Variants in SLC36A2 observed in about 807,000 individuals in gnomAD.
SLC36A2 encodes proton-coupled amino acid transporter 2.
In SLC36A2, 39 loss-of-function variants were observed where a neutral mutation model predicts 42.7. The observed-to-expected ratio is 0.91, with a 90% CI of 0.71 to 1.19. The LOEUF is 1.19. Among genes scored for constraint, SLC36A2 ranks in the 50% most tolerant of loss-of-function variants. The pLI, the probability that SLC36A2 is intolerant of heterozygous loss-of-function variation, is 0.00. For missense variants in SLC36A2, 590 were observed against 613.7 expected (o/e 0.96, Z 0.41); for synonymous variants, 237 against 240.8 (o/e 0.98, Z 0.15).
intron 4 of SLC36A2, among the ~76,000 whole-genome samples, chr5:151,341,998 G>C (rs1756359873): frequency 6.6e-6 from 1 of 152,170 alleles, no homozygotes; most frequent in African/African-American, 2.4e-5. Flanking sequence ...GCTGGGTACT[G>C]TTAATAGCCC....
At chr5:151,323,469 A>G (rs1755760340) in intron 8 of SLC36A2, among the ~76,000 whole-genome samples, 1 of 152,176 alleles carries the variant, frequency 6.6e-6, no homozygotes, top group African/African-American at 2.4e-5. Context: ...CCTTGTAGAC[A>G]CAGCTCAACT....
intron 6 of SLC36A2, among the ~76,000 whole-genome samples, chr5:151,334,452 G>A (rs562379612): frequency 2.2e-4 from 33 of 151,816 alleles, no homozygotes; most frequent in Non-Finnish European, 4.3e-4. Flanking sequence ...CACTTTGGGG[G>A]GGCCAAGGCG....
At chr5:151,340,169 AAGGAGGAG>A (rs1326643183) in intron 4 of SLC36A2, among the ~76,000 whole-genome samples, 25,485 of 87,922 alleles carry the variant, frequency 0.29, 6,726 homozygotes, top group African/African-American at 0.63. Context: ...GAAGAAGAGG[AAGGAGGAG>A]GAGGAGGAAG....
rs1255186895 is a variant in SLC36A2 at position 151,317,047 on chromosome 5, A to G, written c.1222T>C (p.Ser408Pro). The change falls in exon 10 of 10, where the codon TCC (serine) becomes CCC (proline). Residue 408 changes from serine (S) to proline (P), a missense_variant. Physicochemically the swap from Ser to Pro is moderately conservative, Grantham distance 74 (BLOSUM62 -1). Transcript: ENST00000335244. ...GTGCCACTCACGGAGCCCACCAGGG[A>G]GATGACCAGGTCCAGGCGGGGGATG... The part of the protein sequence containing the change: ...ILIPRLDLVI[S>P]LVGSVSGTAL... 1 of 1,614,096 alleles carries G rather than the reference A, an allele frequency of 6.2e-7. No homozygotes were observed. Among genetic ancestry groups the G allele is most frequent in the African/African-American group, 1.3e-5 (1 of 75,026 alleles).
At chr5:151,320,271 A>G (rs1260665996) in intron 9 of SLC36A2, among the ~76,000 whole-genome samples, 1 of 152,192 alleles carries the variant, frequency 6.6e-6, no homozygotes, top group East Asian at 1.9e-4. Context: ...AATGAATACT[A>G]GCATAACTGT....
chr5:151,330,070 G>A (rs1296205291), intron 7 of SLC36A2, among the ~76,000 whole-genome samples: 3 of 152,038 alleles, frequency 2.0e-5, no homozygotes, highest in South Asian at 2.1e-4. Context: ...TATGCTAAGC[G>A]ATGACTATAT....
chr5:151,346,767 G>A (rs148992189), intron 1 of SLC36A2, among the ~76,000 whole-genome samples: 327 of 152,194 alleles, frequency 2.1e-3, no homozygotes, highest in African/African-American at 7.3e-3. Flanking sequence ...CCTGGAAAGT[G>A]GAAAAAACTA....
At position 151,322,040 on chromosome 5, in the gene SLC36A2, A is replaced by G. The variant is rs1385243224; in HGVS notation, c.1180+6T>C. The G allele has an allele frequency of 9.3e-6, 15 of 1,613,980 alleles. No individual in the cohort carries two copies. The highest frequency in any genetic ancestry group is 1.3e-5 in the Non-Finnish European group (15 of 1,179,978). On this transcript the variant is annotated splice_donor_region_variant and intron_variant, in intron 9 of 9. Coordinates refer to ENST00000335244, the MANE Select transcript of SLC36A2 (RefSeq NM_181776.3). Reference sequence around the variant, plus strand: ...GCAGGAACACTGCACTCTCCTTTCTACTCACATGTCAGGCAGACCATGACG... The same window carrying G: ...GCAGGAACACTGCACTCTCCTTTCTGCTCACATGTCAGGCAGACCATGACG...
chr5:151,339,238 G>T, intron 4 of SLC36A2, 94 bp from the exon 5 acceptor site: 2 of 928,536 alleles, frequency 2.2e-6, no homozygotes, highest in Non-Finnish European at 3.4e-6. Flanking sequence ...TGTTCCCAGG[G>T]ATTGGTTGCC....
intron 4 of SLC36A2, among the ~76,000 whole-genome samples, chr5:151,341,668 G>A (rs1231538622): frequency 6.6e-6 from 1 of 152,120 alleles, no homozygotes; most frequent in Admixed American, 6.6e-5. Context: ...GGTTCTTAAA[G>A]TCTTGGTCTT....
In SLC36A2 at chr5:151,345,061, G is replaced by A. The variant is rs76980772; in HGVS notation, c.165-794C>T. Among the ~76,000 whole-genome samples, 726 of 152,236 alleles carry A rather than the reference G, an allele frequency of 4.8e-3. 11 individuals carry two copies. The highest frequency in any genetic ancestry group is 0.016 in the African/African-American group (675 of 41,514). ...CAGACCCTTCCTTTAAGACAAATGC[G>A]AAGGTTTGCCCGGAGGACAAAGTCT... On this transcript the variant is annotated intron_variant, in intron 1 of 9. Transcript: ENST00000335244.
Position 151,333,244 on chromosome 5 carries a change from A to G in SLC36A2, c.823T>C (p.Ser275Pro), listed in dbSNP as rs1366984346. 2 of 1,613,952 alleles carry G rather than the reference A, an allele frequency of 1.2e-6. No homozygotes were observed. Among genetic ancestry groups the G allele is most frequent in the Admixed American group, 3.3e-5 (2 of 60,020 alleles). ...YPLFFGTAIF[S>P]FESIGVVLPL... Reference sequence around the variant, plus strand: ...CTTACCACACCAATGCTTTCAAAAGAAAAAATGGCTGTTCCGAAGAAGAGA... The same window carrying G: ...CTTACCACACCAATGCTTTCAAAAGGAAAAATGGCTGTTCCGAAGAAGAGA... The change falls in exon 7 of 10, where the codon TCT (serine) becomes CCT (proline). Residue 275 changes from serine (S) to proline (P), a missense_variant. Coordinates refer to ENST00000335244, the MANE Select transcript of SLC36A2 (RefSeq NM_181776.3).
At chr5:151,344,039 G>T (rs1756423472) in intron 2 of SLC36A2, 138 bp downstream of exon 2, 2 of 795,424 alleles carry the variant, frequency 2.5e-6, no homozygotes, top group Admixed American at 4.0e-5. Context: ...ACCCAGGCTA[G>T]ATGTCTAGAC....
At chr5:151,345,754 C>T (rs753161808) in intron 1 of SLC36A2, among the ~76,000 whole-genome samples, 3 of 152,204 alleles carry the variant, frequency 2.0e-5, no homozygotes, top group African/African-American at 7.2e-5. Context: ...AACTTGAAAA[C>T]ATAGTGCGGT....
Position 151,344,244 on chromosome 5 carries a change from AGGTG to A in SLC36A2, c.184_187del (p.His62TrpfsTer2), listed in dbSNP as rs780572288. On this transcript the variant is annotated frameshift_variant, in exon 2 of 10. Transcript: ENST00000335244. LOFTEE classifies it high-confidence loss of function. ...CCCTGTGCCCATGTTGCCTTTCACC[AGGTG>A]AATCAAGGCCTGGAACACTCTAAAG... is the stretch of plus-strand genomic sequence containing the variant. The A allele has an allele frequency of 1.9e-6, 3 of 1,614,044 alleles. No homozygotes were observed. The highest frequency in any genetic ancestry group is 2.5e-6 in the Non-Finnish European group (3 of 1,179,968).
At position 151,315,103 on chromosome 5, in the gene SLC36A2, G is replaced by A. The variant is rs1369461100; in HGVS notation, c.*1714C>T. On this transcript the variant is annotated 3_prime_UTR_variant, in exon 10 of 10. Coordinates refer to ENST00000335244, the MANE Select transcript of SLC36A2 (RefSeq NM_181776.3). ...AGGATGGCTTTACTCGTGTCTGGAA[G>A]TTGGTAGGCTGGTTGATCTGCGGAC... The A allele has an allele frequency of 6.5e-6, 1 of 152,704 alleles. No individual in the cohort carries two copies. Among genetic ancestry groups the A allele is most frequent in the Admixed American group, 6.5e-5 (1 of 15,282 alleles). 9.5% of individuals were successfully genotyped at this position (152,704 alleles called of 1,614,324 possible).
rs187883614 is a variant in SLC36A2, at chr5:151,324,582, C to T, written c.1010+704G>A. ...CCTGACCTCAGGTGATCCACCCACC[C>T]TGGCCTCCCAAAGTGCTGGGATTAC... On this transcript the variant is annotated intron_variant, in intron 8 of 9. Coordinates refer to ENST00000335244, the MANE Select transcript of SLC36A2 (RefSeq NM_181776.3). Among the ~76,000 whole-genome samples the T allele has an allele frequency of 1.8e-3, 275 of 152,234 alleles. 1 individual carries two copies. The highest frequency in any genetic ancestry group is 6.1e-3 in the African/African-American group (254 of 41,560).
Position 151,316,952 on chromosome 5 carries a change from G to T in SLC36A2, c.1317C>A (p.Leu439=). Residue 439 remains leucine (L), a synonymous_variant, in exon 10 of 10, where the codon CTC becomes CTA. Coordinates refer to ENST00000335244, the MANE Select transcript of SLC36A2 (RefSeq NM_181776.3). The stretch of plus-strand genomic sequence containing the variant: ...TGATCAGGGCGTCCTTGAAGATGGT[G>T]AGGGGGCTCATGCCCTCTGAGTAGA... ...TTFYSEGMSP[L]TIFKDALISI... is the part of the protein sequence containing the mutation. 4.3e-6 allele frequency: 7 copies of T among 1,614,046 alleles called. No individual in the cohort carries two copies. The highest frequency in any genetic ancestry group is 5.9e-6 in the Non-Finnish European group (7 of 1,179,982).
At chr5:151,333,080 G>T (rs1756041676) in intron 7 of SLC36A2, 144 bp downstream of exon 7, 1 of 739,584 alleles carries the variant, frequency 1.4e-6, no homozygotes. Context: ...CCCAAGTAAG[G>T]CCAGAGGTTA....
Sources: allele counts gnomAD v4.1 joint callset (sites outside exome capture counted in the v4.1 genomes callset), GRCh38; gene constraint gnomAD v4.1.1; transcripts MANE v1.5; gene names NCBI Gene and HGNC (gene_info 2026-07-23, HGNC 2026-07-21).